Variants in CATSPERG observed in about 807,000 individuals in gnomAD.
The protein encoded by CATSPERG is cation channel sperm-associated auxiliary subunit gamma.
Under a neutral mutation model 145.0 loss-of-function variants are expected in CATSPERG, and 115 were observed. The ratio of observed to expected loss-of-function variants is 0.79; its 90% CI spans 0.68 to 0.93. CATSPERG has a LOEUF of 0.93. CATSPERG is among the 40% of genes least tolerant of loss of function. The pLI is 0.00. For synonymous variants in CATSPERG, 588 were observed against 589.0 expected (o/e 1.00, Z 0.02); for missense variants, 1,296 against 1,490.1 (o/e 0.87, Z 2.14).
chr19:38,346,350 G>C (rs761960786), intron 6 of CATSPERG, 100 bp from the exon 7 acceptor site: 9 of 1,107,148 alleles, frequency 8.1e-6, no homozygotes, highest in Admixed American at 2.8e-5. Flanking sequence ...GACAAATCGC[G>C]TGGGGCCTTG....
chr19:38,354,862 C>T lies in CATSPERG; in HGVS notation c.1135+15C>T, dbSNP rs374462438. 6.1e-5 allele frequency: 98 copies of T among 1,612,256 alleles called. 1 individual carries two copies. The African/African-American group carries it at 1.1e-3, about 18-fold the overall frequency. ...GACCATCAGAGGTAAGGGTGTGGGCCTCTGTCAGCCCCAGGGACCCCTCCA... is the reference window on the plus strand; with the variant it reads ...GACCATCAGAGGTAAGGGTGTGGGCTTCTGTCAGCCCCAGGGACCCCTCCA... On this transcript the variant is annotated intron_variant, in intron 9 of 28. Coordinates refer to ENST00000409235, the MANE Select transcript of CATSPERG (RefSeq NM_021185.5).
intron 8 of CATSPERG, among the ~76,000 whole-genome samples, chr19:38,353,021 C>T (rs1270380484): frequency 8.2e-6 from 1 of 122,278 alleles, no homozygotes; most frequent in Non-Finnish European, 1.7e-5. Context: ...GAGCAAGACC[C>T]TGTTTCAAAA....
chr19:38,356,508 T>C lies in CATSPERG; in HGVS notation c.1160T>C (p.Leu387Pro). ...IRDGQVSFEM[L>P]PRQWSVCEQI... ...GATGGCCAGGTGTCCTTTGAGATGC[T>C]GCCCAGGCAGTGGTCTGTGTGCGAG... Residue 387 changes from leucine to proline, a missense_variant, in exon 10 of 29, where the codon CTG becomes CCG. Leu to Pro is a moderately conservative substitution (Grantham distance 98). Coordinates refer to ENST00000409235, the MANE Select transcript of CATSPERG (RefSeq NM_021185.5). 2 of 1,613,914 alleles carry C rather than the reference T, an allele frequency of 1.2e-6. No individual in the cohort carries two copies. The highest frequency in any genetic ancestry group is 1.7e-6 in the Non-Finnish European group (2 of 1,180,000).
Position 38,362,706 on chromosome 19 carries a change from C to G in CATSPERG, c.2357-8C>G. 2 of 1,613,698 alleles carry G rather than the reference C, an allele frequency of 1.2e-6. No individual in the cohort carries two copies. Among genetic ancestry groups the G allele is most frequent in the South Asian group, 1.1e-5 (1 of 91,056 alleles). ...GGAGGCCTTAACCCCGTTTACTGCC[C>G]GGAGCAGGCACCGCCTTCCAGCTGC... On this transcript the variant is annotated splice_polypyrimidine_tract_variant and splice_region_variant and intron_variant, in intron 19 of 28. Coordinates refer to ENST00000409235, the MANE Select transcript of CATSPERG (RefSeq NM_021185.5).
intron 7 of CATSPERG, among the ~76,000 whole-genome samples, chr19:38,347,370 T>C (rs981237358): frequency 2.0e-5 from 3 of 151,834 alleles, no homozygotes; most frequent in African/African-American, 7.3e-5. Flanking sequence ...AGAGCCAGAC[T>C]CCGTCTCAAA....
chr19:38,350,342 G>A (rs1178925104), intron 7 of CATSPERG, among the ~76,000 whole-genome samples: 2 of 152,122 alleles, frequency 1.3e-5, no homozygotes, highest in Admixed American at 6.6e-5. Context: ...GGGGTTTCTC[G>A]CCTCATCTCT....
Position 38,367,792 on chromosome 19 carries a change from T to C in CATSPERG, c.2930+16T>C, listed in dbSNP as rs2302185. On this transcript the variant is annotated intron_variant, in intron 25 of 28. Transcript: ENST00000409235. ...CCCTGGACAAGTAATCCCCGTGGGG[T>C]CCCACGTGTAATCCACCTTGCTTCC... 5.6e-3 allele frequency: 8,973 copies of C among 1,607,284 alleles called. 211 individuals are homozygous for C. The African/African-American group carries it at 0.061, about 11-fold the overall frequency.
chr19:38,362,068 T>C (rs890904162), intron 17 of CATSPERG, 142 bp from the exon 18 acceptor site: 3 of 1,029,424 alleles, frequency 2.9e-6, no homozygotes, highest in Admixed American at 4.6e-5. Flanking sequence ...GAAAGCAGGG[T>C]TTGGGGATGG....
chr19:38,343,061 G>A (rs1043084059), intron 3 of CATSPERG, among the ~76,000 whole-genome samples: 6 of 152,142 alleles, frequency 3.9e-5, no homozygotes, highest in Non-Finnish European at 5.9e-5. Flanking sequence ...AGTGAGACTG[G>A]GGGCCAGATG....
chr19:38,349,749 CT>C (rs1259504673), intron 7 of CATSPERG: 1 of 152,242 alleles, frequency 6.6e-6, no homozygotes, highest in Non-Finnish European at 1.5e-5. Flanking sequence ...ACTGCAACCT[CT>C]GCCTCCCAGG....
Position 38,352,399 on chromosome 19 carries a change from T to C in CATSPERG, c.964T>C (p.Tyr322His). Residue 322 changes from tyrosine (Y) to histidine (H), a missense_variant, in exon 8 of 29, where the codon TAT becomes CAT. Physicochemically the swap from Tyr to His is moderately conservative, Grantham distance 83 (BLOSUM62 2). Transcript: ENST00000409235. Reference protein sequence around the residue: ...NQLVYYFTGTYTTLYERNRGS... With the variant: ...NQLVYYFTGTHTTLYERNRGS... ...GCTGGTCTACTATTTTACAGGCACC[T>C]ATACCACACTCTATGAGAGAAACCG... 1 of 1,551,838 alleles carries C rather than the reference T, an allele frequency of 6.4e-7. No individual in the cohort carries two copies.
chr19:38,365,185 C>A (rs1276441935), intron 22 of CATSPERG, 68 bp downstream of exon 22: 4 of 1,357,510 alleles, frequency 2.9e-6, no homozygotes, highest in Non-Finnish European at 4.2e-6. Flanking sequence ...AGGGCTAATC[C>A]CCCTGAGAAT....
chr19:38,364,066 C>T (rs906778887), intron 20 of CATSPERG, among the ~76,000 whole-genome samples: 7 of 152,068 alleles, frequency 4.6e-5, no homozygotes, highest in East Asian at 1.9e-4. Flanking sequence ...CCTCACCTCC[C>T]GGACGGGGCA....
intron 3 of CATSPERG, among the ~76,000 whole-genome samples, chr19:38,340,942 G>A (rs997497601): frequency 1.3e-5 from 2 of 152,124 alleles, no homozygotes; most frequent in Non-Finnish European, 2.9e-5. Flanking sequence ...GGTCACTCTG[G>A]AAAGGCTTGA....
intron 22 of CATSPERG, chr19:38,365,321 A>G (rs1044037610): frequency 4.5e-5 from 26 of 575,560 alleles, no homozygotes; most frequent in African/African-American, 4.5e-4. Flanking sequence ...CTTGTTGCCC[A>G]GGCTGGAGTG....
At position 38,365,063 on chromosome 19, in the gene CATSPERG, G is replaced by A; in HGVS notation, c.2559G>A (p.Val853=). The A allele has an allele frequency of 6.2e-7, 1 of 1,614,010 alleles. No individual in the cohort carries two copies. ...TCTTCACCTGCTCCTACCCACAGGT[G>A]GTGGGTTCATCCGGGCTCTGCTTCC... ...HLMETSMTVN[V]VGSSGLCFQE... Residue 853 remains valine, a splice_region_variant and synonymous_variant, in exon 22 of 29, where the codon GTG becomes GTA. Transcript: ENST00000409235.
Position 38,353,354 on chromosome 19 carries a change from G to T in CATSPERG, c.997+922G>T, listed in dbSNP as rs185983375. ...GTTTAAAAAAAAGAGAGAGGAAAAA[G>T]CGAGAGAGATGAAAAAGAGAGACTA... On this transcript the variant is annotated intron_variant, in intron 8 of 28. Coordinates refer to ENST00000409235, the MANE Select transcript of CATSPERG (RefSeq NM_021185.5). 1.0e-3 allele frequency among the ~76,000 whole-genome samples: 158 copies of T among 150,944 alleles called. 2 individuals carry two copies. In the Middle Eastern group the frequency reaches 0.017, roughly 17 times the overall value.
intron 22 of CATSPERG, 196 bp from the exon 23 acceptor site, chr19:38,366,960 C>T: frequency 1.7e-6 from 1 of 577,006 alleles, no homozygotes. Flanking sequence ...TCCCGAAGTT[C>T]TGGGATTACA....
chr19:38,338,948 G>T (rs912799733), intron 3 of CATSPERG, among the ~76,000 whole-genome samples: 1 of 152,032 alleles, frequency 6.6e-6, no homozygotes, highest in African/African-American at 2.4e-5. Flanking sequence ...ACACCAGGTC[G>T]GGGGGAGGGG....
Sources: allele counts gnomAD v4.1 joint callset (sites outside exome capture counted in the v4.1 genomes callset), GRCh38; gene constraint gnomAD v4.1.1; transcripts MANE v1.5; gene names NCBI Gene and HGNC (gene_info 2026-07-23, HGNC 2026-07-21).